Variants in CACNG2 observed in about 807,000 individuals in gnomAD.
The protein encoded by CACNG2 is voltage-dependent calcium channel gamma-2 subunit.
Under a neutral mutation model 25.9 loss-of-function variants are expected in CACNG2, and 3 were observed. The observed-to-expected ratio is 0.12, with a 90% confidence interval of 0.05 to 0.30. CACNG2 has a LOEUF of 0.30. Among genes scored for constraint, CACNG2 ranks in the 10% least tolerant of loss-of-function variants. The pLI is 1.00. For missense variants in CACNG2, 341 were observed against 432.5 expected (o/e 0.79, Z 1.88); for synonymous variants, 167 against 173.3 (o/e 0.96, Z 0.29).
chr22:36,646,209 A>G (rs752465661), intron 1 of CACNG2, among the ~76,000 whole-genome samples: 14 of 152,196 alleles, frequency 9.2e-5, no homozygotes, highest in Non-Finnish European at 1.8e-4. Context: ...TGGAGAAATA[A>G]CTATTTTATG....
chr22:36,655,503 G>T (rs1459964693), intron 1 of CACNG2, among the ~76,000 whole-genome samples: 1 of 152,162 alleles, frequency 6.6e-6, no homozygotes, highest in African/African-American at 2.4e-5. Flanking sequence ...TGGCCTCAAG[G>T]TTATGCAGAA....
chr22:36,582,339 T>G (rs1935431287), intron 2 of CACNG2, among the ~76,000 whole-genome samples: 1 of 152,046 alleles, frequency 6.6e-6, no homozygotes, highest in Non-Finnish European at 1.5e-5. Context: ...GGCTCAGTCC[T>G]ATTCCTCAGA....
At chr22:36,570,390 C>T (rs1486054162) in intron 2 of CACNG2, among the ~76,000 whole-genome samples, 2 of 152,274 alleles carry the variant, frequency 1.3e-5, no homozygotes, top group East Asian at 3.9e-4. Context: ...GCGGGGAATA[C>T]AAACAGAAGC....
intron 1 of CACNG2, among the ~76,000 whole-genome samples, chr22:36,620,470 C>T (rs776555816): frequency 3.0e-4 from 46 of 152,212 alleles, no homozygotes; most frequent in Non-Finnish European, 5.4e-4. Context: ...TTCAAATAAA[C>T]AATCACCACG....
At chr22:36,566,063 A>G (rs556933676) in intron 3 of CACNG2, among the ~76,000 whole-genome samples, 6 of 152,320 alleles carry the variant, frequency 3.9e-5, no homozygotes, top group Admixed American at 6.5e-5. Context: ...GGGAAAGGGT[A>G]AGTGGCAATT....
intron 1 of CACNG2, among the ~76,000 whole-genome samples, chr22:36,611,219 C>T (rs1451148152): frequency 6.6e-6 from 1 of 152,042 alleles, no homozygotes; most frequent in African/African-American, 2.4e-5. Flanking sequence ...GAGAGCTGCC[C>T]TCTATAGATT....
intron 1 of CACNG2, among the ~76,000 whole-genome samples, chr22:36,666,647 CTT>C (rs2145988908): frequency 1.3e-5 from 2 of 151,976 alleles, no homozygotes; most frequent in South Asian, 4.2e-4. Flanking sequence ...GGACTCTACA[CTT>C]ATAGATTGCT....
At chr22:36,652,142 A>T (rs1259547068) in intron 1 of CACNG2, among the ~76,000 whole-genome samples, 2 of 152,200 alleles carry the variant, frequency 1.3e-5, no homozygotes, top group Admixed American at 6.5e-5. Context: ...CTGAGATTAC[A>T]GGTGTGAGCC....
At chr22:36,674,028 G>A (rs914303681) in intron 1 of CACNG2, among the ~76,000 whole-genome samples, 3 of 152,302 alleles carry the variant, frequency 2.0e-5, no homozygotes, top group East Asian at 3.9e-4. Flanking sequence ...CGTCCCTCCC[G>A]CATGATCAAG....
At chr22:36,696,761 A>G (rs549707899) in intron 1 of CACNG2, among the ~76,000 whole-genome samples, 1 of 152,324 alleles carries the variant, frequency 6.6e-6, no homozygotes, top group Admixed American at 6.5e-5. Flanking sequence ...GTTGATTGCA[A>G]TTTCAAATAA....
At chr22:36,695,530 C>G (rs2146018619) in intron 1 of CACNG2, among the ~76,000 whole-genome samples, 1 of 145,530 alleles carries the variant, frequency 6.9e-6, no homozygotes, top group East Asian at 2.1e-4. Context: ...CCCTGGCCTT[C>G]TCTTGGTACT....
intron 1 of CACNG2, among the ~76,000 whole-genome samples, chr22:36,653,913 G>A (rs954862024): frequency 3.3e-4 from 37 of 112,478 alleles, no homozygotes; most frequent in Middle Eastern, 9.5e-3. Flanking sequence ...CATGACAGAC[G>A]TTAGATTTTT....
chr22:36,627,712 T>G (rs998950624), intron 1 of CACNG2, among the ~76,000 whole-genome samples: 2 of 151,244 alleles, frequency 1.3e-5, no homozygotes, highest in African/African-American at 2.4e-5. Context: ...AGCCTCGAAC[T>G]CCTGGGCTTA....
intron 1 of CACNG2, among the ~76,000 whole-genome samples, chr22:36,675,183 T>A (rs1937004873): frequency 6.6e-6 from 1 of 152,190 alleles, no homozygotes; most frequent in Admixed American, 6.5e-5. Context: ...ACTACAGGCA[T>A]GTACCACCAT....
chr22:36,591,664 T>C (rs1272503310), intron 1 of CACNG2, among the ~76,000 whole-genome samples: 3 of 151,948 alleles, frequency 2.0e-5, no homozygotes. Flanking sequence ...AGAGCAAGAC[T>C]CTGTCTTGAA....
chr22:36,679,185 C>CTTTCTTTCTTT (rs1937057899), intron 1 of CACNG2, among the ~76,000 whole-genome samples: 2 of 102,526 alleles, frequency 2.0e-5, no homozygotes, highest in African/African-American at 8.9e-5. Context: ...TTCCTTCCTT[C>CTTTCTTTCTTT]CTTCCTTCCT....
chr22:36,564,075 AGTTT>A lies in CACNG2; in HGVS notation c.*272_*275del, dbSNP rs1428511336. ...TTTTATCCCTCTCGCTTTTTTTTAAAGTTTGTTTTCTTCCCTCGTTTATATTTTC... is the reference window on the plus strand; with the variant it reads ...TTTTATCCCTCTCGCTTTTTTTTAAAGTTTTCTTCCCTCGTTTATATTTTC... On this transcript the variant is annotated 3_prime_UTR_variant, in exon 4 of 4. Transcript: ENST00000300105. The surrounding 1 kb of genome is among the most constrained non-coding windows in gnomAD (Gnocchi z 6.7). The A allele has an allele frequency of 3.3e-6, 1 of 300,332 alleles. No individual in the cohort carries two copies. Among genetic ancestry groups the A allele is most frequent in the Non-Finnish European group, 6.1e-6 (1 of 164,952 alleles). 18.6% of individuals were successfully genotyped at this position (300,332 alleles called of 1,614,324 possible).
In CACNG2 at chr22:36,688,671, T is replaced by C. The variant is rs180686604; in HGVS notation, c.211+13695A>G. ...CCTGGGAAGAAGGTGGTTATCCTCA[T>C]GGTAGAGGCAAAGAAACAGGCCCAG... is the stretch of plus-strand genomic sequence containing the variant. On this transcript the variant is annotated intron_variant, in intron 1 of 3. Transcript: ENST00000300105. Among the ~76,000 whole-genome samples the C allele has an allele frequency of 3.9e-4, 59 of 152,126 alleles. 1 individual carries two copies. In the South Asian group the frequency reaches 3.9e-3, roughly 10 times the overall value.
chr22:36,691,486 G>A (rs570771628), intron 1 of CACNG2, among the ~76,000 whole-genome samples: 425 of 152,320 alleles, frequency 2.8e-3, no homozygotes, highest in Non-Finnish European at 4.2e-3. Context: ...CATCATGCAA[G>A]GGAGTACAAA....
Sources: allele counts gnomAD v4.1 joint callset (sites outside exome capture counted in the v4.1 genomes callset), GRCh38; gene constraint gnomAD v4.1.1; non-coding constraint Gnocchi (gnomAD v3.1); transcripts MANE v1.5; gene names NCBI Gene and HGNC (gene_info 2026-07-23, HGNC 2026-07-21).